CA10: variants seen among roughly 807,000 people sequenced by gnomAD.
CA10 encodes the protein carbonic anhydrase-related protein 10.
Under a neutral mutation model 44.2 loss-of-function variants are expected in CA10, and 14 were observed. That is an observed-to-expected ratio of 0.32 (90% CI 0.21 to 0.50). CA10 has a LOEUF of 0.50. CA10 is among the 20% of genes least tolerant of loss of function. The probability of loss-of-function intolerance (pLI) is 0.99; values close to 1 mark genes in which losing one functional copy is unlikely to be tolerated. For missense variants in CA10, 350 were observed against 409.7 expected (o/e 0.85, Z 1.26); for synonymous variants, 159 against 141.6 (o/e 1.12, Z -0.87).
chr17:51,950,036 C>T (rs1006362785), intron 2 of CA10, among the ~76,000 whole-genome samples: 2 of 152,030 alleles, frequency 1.3e-5, no homozygotes, highest in Non-Finnish European at 2.9e-5. Flanking sequence ...TATTGGGTAC[C>T]CTCCAAGACA....
In CA10 at chr17:51,958,585, G is replaced by A. The variant is rs185589218; in HGVS notation, c.137-27453C>T. On this transcript the variant is annotated intron_variant, in intron 2 of 8. Transcript: ENST00000451037. ...TGTATTATTTTTTCCTCAATATTGC[G>A]GTTCATTATATTTTTGAAACAGTTG... 5.9e-5 allele frequency among the ~76,000 whole-genome samples: 9 copies of A among 152,098 alleles called. No homozygotes were observed. In the East Asian group the frequency reaches 1.2e-3, roughly 20 times the overall value.
intron 3 of CA10, among the ~76,000 whole-genome samples, chr17:51,772,139 A>C (rs1285311859): frequency 1.3e-5 from 2 of 152,186 alleles, no homozygotes; most frequent in Non-Finnish European, 2.9e-5. Context: ...TCATCTGTAT[A>C]TGGGGAGAAC....
Position 52,083,402 on chromosome 17 carries a change from ATC to A in CA10, c.62-11011_62-11010del, listed in dbSNP as rs376289067. ...TGTGTCACTTTGGGCGAATTATTTC[ATC>A]TCTTTTTAAAAAATGTTTATTTGTA... On this transcript the variant is annotated intron_variant, in intron 1 of 8. Coordinates refer to ENST00000451037, the MANE Select transcript of CA10 (RefSeq NM_020178.5). Among the ~76,000 whole-genome samples, 895 of 152,340 alleles carry A rather than the reference ATC, an allele frequency of 5.9e-3. 7 individuals carry two copies. The highest frequency in any genetic ancestry group is 0.021 in the African/African-American group (856 of 41,578).
chr17:51,893,577 A>G (rs1461195896), intron 3 of CA10, among the ~76,000 whole-genome samples: 1 of 152,208 alleles, frequency 6.6e-6, no homozygotes, highest in East Asian at 1.9e-4. Context: ...TGACCTTCAG[A>G]CTTCTCTAGC....
intron 2 of CA10, among the ~76,000 whole-genome samples, chr17:52,025,550 A>AT (rs374223889): frequency 3.4e-4 from 51 of 152,186 alleles, no homozygotes; most frequent in African/African-American, 1.1e-3. Flanking sequence ...GACTAGATGG[A>AT]TTTTTTGCTT....
intron 3 of CA10, among the ~76,000 whole-genome samples, chr17:51,837,373 TCTGAAGGTCTAC>T (rs1416037917): frequency 1.3e-5 from 2 of 152,190 alleles, no homozygotes; most frequent in African/African-American, 4.8e-5. Context: ...GGCTGACATT[TCTGAAGGTCTAC>T]CTTTTGGCAA....
intron 2 of CA10, among the ~76,000 whole-genome samples, chr17:52,046,525 T>C (rs966363143): frequency 6.6e-6 from 1 of 151,758 alleles, no homozygotes; most frequent in African/African-American, 2.4e-5. Flanking sequence ...GTAGAAGAAA[T>C]AATCTGGATA....
intron 2 of CA10, among the ~76,000 whole-genome samples, chr17:52,060,038 T>C (rs188963294): frequency 6.6e-6 from 1 of 152,190 alleles, no homozygotes; most frequent in Non-Finnish European, 1.5e-5. Flanking sequence ...ATCTTCCACA[T>C]TTACTGATTG....
intron 5 of CA10, among the ~76,000 whole-genome samples, chr17:51,652,128 G>A (rs1913595163): frequency 6.6e-6 from 1 of 152,188 alleles, no homozygotes; most frequent in African/African-American, 2.4e-5. Flanking sequence ...ATTCTTTCAT[G>A]AGTATTAAAG....
rs183424845 is a variant in CA10 at position 51,732,372 on chromosome 17, C to T, written c.465+15261G>A. Among the ~76,000 whole-genome samples the T allele has an allele frequency of 2.2e-3, 330 of 152,276 alleles. 3 individuals are homozygous for T. Among genetic ancestry groups the T allele is most frequent in the Middle Eastern group, 6.8e-3 (2 of 294 alleles). On this transcript the variant is annotated intron_variant, in intron 4 of 8. Transcript: ENST00000451037. The stretch of plus-strand genomic sequence containing the variant: ...TTCTTTCTATTAATGGGTGACACTC[C>T]TGTTTGTCTGGGATGCTTTTATCCT...
rs542671973 is a variant in CA10, at chr17:51,711,461, A to G, written c.465+36172T>C. ...TTGTTTAATTTTAGGAGAAGGCCCAATCTGAATGAGTGAAAACATGAAACA... is the reference window on the plus strand; with the variant it reads ...TTGTTTAATTTTAGGAGAAGGCCCAGTCTGAATGAGTGAAAACATGAAACA... On this transcript the variant is annotated intron_variant, in intron 4 of 8. Transcript: ENST00000451037. Among the ~76,000 whole-genome samples the G allele has an allele frequency of 3.9e-5, 6 of 152,336 alleles. No homozygotes were observed. In the East Asian group the frequency reaches 5.8e-4, roughly 15 times the overall value.
chr17:51,981,923 T>C (rs974646800), intron 2 of CA10, among the ~76,000 whole-genome samples: 1 of 152,014 alleles, frequency 6.6e-6, no homozygotes, highest in Non-Finnish European at 1.5e-5. Context: ...ATTTATTTAA[T>C]ATATTTTTCC....
At chr17:51,991,661 T>G (rs960967324) in intron 2 of CA10, among the ~76,000 whole-genome samples, 6 of 151,862 alleles carry the variant, frequency 4.0e-5, no homozygotes, top group African/African-American at 1.5e-4. Context: ...AACACAAAAT[T>G]AGCTGGGCGT....
chr17:51,672,139 G>C (rs1003081728), intron 4 of CA10, among the ~76,000 whole-genome samples: 1 of 152,144 alleles, frequency 6.6e-6, no homozygotes, highest in African/African-American at 2.4e-5. Flanking sequence ...ACATGCAATA[G>C]GCACTCAAGA....
intron 2 of CA10, among the ~76,000 whole-genome samples, chr17:52,012,836 AAT>A (rs1156286749): frequency 5.9e-5 from 9 of 152,090 alleles, no homozygotes; most frequent in African/African-American, 1.4e-4. Flanking sequence ...TAAAAAAAAA[AAT>A]GTCCTATTTT....
chr17:52,050,137 A>C (rs1987021772), intron 2 of CA10, among the ~76,000 whole-genome samples: 2 of 152,072 alleles, frequency 1.3e-5, no homozygotes, highest in African/African-American at 2.4e-5. Context: ...ACACATGACT[A>C]TTTGAATCTC....
At chr17:52,130,202 G>A (rs1989203780) in intron 1 of CA10, among the ~76,000 whole-genome samples, 1 of 152,126 alleles carries the variant, frequency 6.6e-6, no homozygotes, top group Admixed American at 6.6e-5. Context: ...TGCACTGTTG[G>A]TGAGAATGCA....
At chr17:51,802,181 T>G (rs1906957636) in intron 3 of CA10, among the ~76,000 whole-genome samples, 1 of 152,210 alleles carries the variant, frequency 6.6e-6, no homozygotes, top group Non-Finnish European at 1.5e-5. Flanking sequence ...GGGGTAGAGT[T>G]GAGTTCTGCC....
chr17:51,735,565 A>C (rs1030938739), intron 4 of CA10, among the ~76,000 whole-genome samples: 2 of 152,062 alleles, frequency 1.3e-5, no homozygotes, highest in African/African-American at 4.8e-5. Flanking sequence ...TTGGAAAAAA[A>C]TGTGAACCAC....
Sources: allele counts gnomAD v4.1 joint callset (sites outside exome capture counted in the v4.1 genomes callset), GRCh38; gene constraint gnomAD v4.1.1; transcripts MANE v1.5; gene names NCBI Gene and HGNC (gene_info 2026-07-23, HGNC 2026-07-21).